NUP210L: variants seen among roughly 807,000 people sequenced by gnomAD.
The protein encoded by NUP210L is nuclear pore membrane glycoprotein 210-like.
In NUP210L, 74 loss-of-function variants were observed where a neutral mutation model predicts 208.5. That is an observed-to-expected ratio of 0.35 (90% confidence interval 0.29 to 0.43). The LOEUF (loss-of-function observed/expected upper bound fraction) is 0.43, where lower values mean the gene tolerates loss of function less well. NUP210L is among the 20% of genes least tolerant of loss of function. The pLI is 1.00. For missense variants in NUP210L, 1,843 were observed against 2,289.4 expected (o/e 0.81, Z 3.98); for synonymous variants, 780 against 816.9 (o/e 0.95, Z 0.77).
At chr1:154,141,500 C>T (rs1211721072) in exon 4 of NUP210L, 52 of 1,610,920 alleles carry the variant, frequency 3.2e-5, no homozygotes, top group Non-Finnish European at 4.3e-5. Flanking sequence ...AAACATCATC[C>T]CTGCCAAACT....
intron 16 of NUP210L, among the ~76,000 whole-genome samples, chr1:154,076,168 A>G (rs1395708339): frequency 7.1e-6 from 1 of 141,488 alleles, no homozygotes; most frequent in Non-Finnish European, 1.5e-5. Flanking sequence ...CAGTGGCATG[A>G]TCTCAGCTCA....
intron 14 of NUP210L, among the ~76,000 whole-genome samples, chr1:154,097,149 A>G (rs1047132259): frequency 3.9e-5 from 6 of 152,212 alleles, no homozygotes; most frequent in African/African-American, 2.4e-5. Flanking sequence ...GGCCTTTCTG[A>G]AAAAGCAAAA....
chr1:154,117,930 T>A, intron 11 of NUP210L, 50 bp from the exon 12 acceptor site: 4 of 1,355,224 alleles, frequency 3.0e-6, no homozygotes, highest in Non-Finnish European at 4.1e-6. Flanking sequence ...AAATAAAATT[T>A]AAGTGAAAAT....
chr1:154,113,587 TG>T (rs1258856114), intron 12 of NUP210L, among the ~76,000 whole-genome samples: 62 of 152,208 alleles, frequency 4.1e-4, no homozygotes, highest in Non-Finnish European at 6.5e-4. Context: ...AGGCCAGGCG[TG>T]GTGGCTCACG....
At chr1:154,154,385 C>T (rs1029286690) in intron 1 of NUP210L, among the ~76,000 whole-genome samples, 3 of 152,150 alleles carry the variant, frequency 2.0e-5, no homozygotes, top group Non-Finnish European at 4.4e-5. Context: ...TTGAATAGCT[C>T]ATCTATAGTT....
chr1:154,013,006 C>CAAAAAAAA (rs149011212), intron 33 of NUP210L, among the ~76,000 whole-genome samples: 4 of 72,596 alleles, frequency 5.5e-5, no homozygotes, highest in African/African-American at 1.1e-4. Context: ...AACTCTGAAT[C>CAAAAAAAA]AAAAAAAAAA....
chr1:154,141,474 G>C, exon 4 of NUP210L: 1 of 1,612,856 alleles, frequency 6.2e-7, no homozygotes, highest in Non-Finnish European at 8.5e-7. Context: ...TCGTTGTCCT[G>C]GGCAATGCTC....
At chr1:154,026,946 G>C (rs900435196) in intron 29 of NUP210L, among the ~76,000 whole-genome samples, 7 of 151,734 alleles carry the variant, frequency 4.6e-5, no homozygotes, top group Non-Finnish European at 7.4e-5. Flanking sequence ...AGCCAGGTGT[G>C]GTGGCAGGCA....
At chr1:154,083,343 A>G (rs1049511683) in intron 16 of NUP210L, among the ~76,000 whole-genome samples, 1 of 152,200 alleles carries the variant, frequency 6.6e-6, no homozygotes, top group Non-Finnish European at 1.5e-5. Flanking sequence ...TGATGTGTTT[A>G]CAATCCTTTG....
exon 9 of NUP210L, chr1:154,127,342 T>A: frequency 6.2e-7 from 1 of 1,601,812 alleles, no homozygotes. Context: ...GCTGCTTTTA[T>A]CAAAGACGTC....
chr1:154,015,747 A>ACCC (rs1397747233), intron 33 of NUP210L, among the ~76,000 whole-genome samples: 53 of 150,686 alleles, frequency 3.5e-4, no homozygotes, highest in African/African-American at 1.3e-3. Flanking sequence ...ACACACACAC[A>ACCC]CACCCCACAG....
chr1:154,133,755 C>T (rs369052196), intron 7 of NUP210L, among the ~76,000 whole-genome samples: 26 of 151,948 alleles, frequency 1.7e-4, no homozygotes, highest in African/African-American at 5.6e-4. Flanking sequence ...CTGGGAGGAT[C>T]ACTTGAGCCT....
exon 11 of NUP210L, chr1:154,118,804 T>G: frequency 6.4e-7 from 1 of 1,558,898 alleles, no homozygotes; most frequent in Non-Finnish European, 8.8e-7. Flanking sequence ...CTGAATATCT[T>G]TATTCTATAA....
chr1:154,055,151 C>G (rs1390970188), intron 23 of NUP210L, among the ~76,000 whole-genome samples: 1 of 118,870 alleles, frequency 8.4e-6, no homozygotes, highest in African/African-American at 2.8e-5. Flanking sequence ...TTCTTTCTTT[C>G]TTTCTTTCTT....
chr1:154,120,077 A>AT, intron 10 of NUP210L, among the ~76,000 whole-genome samples: 1 of 152,238 alleles, frequency 6.6e-6, no homozygotes, highest in African/African-American at 2.4e-5. Flanking sequence ...CTTTTTAATG[A>AT]TTGCCATTCT....
intron 32 of NUP210L, among the ~76,000 whole-genome samples, chr1:154,020,671 C>T (rs1156855169): frequency 6.6e-6 from 1 of 152,034 alleles, no homozygotes; most frequent in Non-Finnish European, 1.5e-5. Flanking sequence ...GGACTACAGG[C>T]ACATGCCACC....
intron 37 of NUP210L, among the ~76,000 whole-genome samples, chr1:153,998,240 T>C (rs775466996): frequency 9.9e-5 from 15 of 152,074 alleles, no homozygotes; most frequent in Non-Finnish European, 1.9e-4. Flanking sequence ...GTGCTAACTT[T>C]AAGTTAGTGG....
Position 154,104,339 on chromosome 1 carries a change from T to C in NUP210L, c.1621-129A>G, listed in dbSNP as rs181461223. ...CTGCAGGAACACCAAATTGAATGAC[T>C]ATCCATACAAGAAGTCACCTTCATA... On this transcript the variant is annotated intron_variant, in intron 12 of 39. Transcript: ENST00000368559. The C allele has an allele frequency of 5.4e-4, 380 of 706,868 alleles. 1 individual carries two copies. In the African/African-American group the frequency reaches 6.2e-3, roughly 12 times the overall value. The allele number at this position is 706,868 out of a possible 1,614,324, so 43.8% of individuals were successfully genotyped here.
chr1:154,144,731 T>C (rs1659034536), intron 2 of NUP210L, among the ~76,000 whole-genome samples: 1 of 152,226 alleles, frequency 6.6e-6, no homozygotes, highest in Non-Finnish European at 1.5e-5. Context: ...ACGACCACTT[T>C]CCAATGACCC....
Sources: gnomAD v4.1 joint callset for allele counts (sites outside exome capture counted in the v4.1 genomes callset) on GRCh38, gnomAD v4.1.1 for gene constraint, MANE v1.5 for transcripts, NCBI Gene and HGNC (gene_info 2026-07-23, HGNC 2026-07-21) for gene names.